Variants in CRB1 observed in about 807,000 individuals in gnomAD.
The protein encoded by CRB1 is protein crumbs homolog 1.
A neutral mutation model predicts 120.0 loss-of-function variants in CRB1; 83 were observed. That is an observed-to-expected ratio of 0.69 (90% CI 0.58 to 0.83). CRB1 has a LOEUF of 0.83. CRB1 is among the 40% of genes least tolerant of loss of function. The pLI is 0.00. For missense variants in CRB1, 1,699 were observed against 1,687.6 expected (o/e 1.01, Z -0.12); for synonymous variants, 625 against 612.5 (o/e 1.02, Z -0.30).
chr1:197,315,397 G>T (rs1466874298), intron 1 of CRB1, among the ~76,000 whole-genome samples: 1 of 152,144 alleles, frequency 6.6e-6, no homozygotes, highest in Non-Finnish European at 1.5e-5. Flanking sequence ...GACGGTAAAT[G>T]CTATGTCAAC....
chr1:197,246,906 T>C, the CRB1 span, among the ~76,000 whole-genome samples: 1 of 152,098 alleles, frequency 6.6e-6, no homozygotes, highest in Non-Finnish European at 1.5e-5. Flanking sequence ...CTGGCTTACA[T>C]CATGGAATTA....
At chr1:197,459,863 A>C (rs1313864067) in intron 11 of CRB1, among the ~76,000 whole-genome samples, 1 of 152,088 alleles carries the variant, frequency 6.6e-6, no homozygotes, top group Non-Finnish European at 1.5e-5. Flanking sequence ...GTTTTTCCTG[A>C]GCAGATTTTT....
chr1:197,449,933 A>T (rs1665880528), intron 11 of CRB1, among the ~76,000 whole-genome samples: 3 of 152,082 alleles, frequency 2.0e-5, no homozygotes, highest in Admixed American at 1.3e-4. Context: ...TGCTGTGGTG[A>T]ACCCTCTTTT....
intron 2 of CRB1, among the ~76,000 whole-genome samples, chr1:197,338,287 T>A (rs542220405): frequency 1.3e-5 from 2 of 152,220 alleles, no homozygotes; most frequent in African/African-American, 4.8e-5. Context: ...TATATTACTA[T>A]CTTGTAAATT....
At chr1:197,333,892 C>T (rs544416499) in intron 2 of CRB1, among the ~76,000 whole-genome samples, 2 of 152,294 alleles carry the variant, frequency 1.3e-5, no homozygotes, top group East Asian at 3.9e-4. Context: ...AGAAACAAGA[C>T]TCACTTAACA....
At chr1:197,280,820 C>G (rs534358800) in intron 1 of CRB1, among the ~76,000 whole-genome samples, 2 of 151,898 alleles carry the variant, frequency 1.3e-5, no homozygotes, top group Admixed American at 1.3e-4. Context: ...TATGAAGACT[C>G]AAACATTTAT....
At chr1:197,394,950 CTAAA>C (rs1199826969) in intron 5 of CRB1, among the ~76,000 whole-genome samples, 2 of 152,038 alleles carry the variant, frequency 1.3e-5, no homozygotes, top group African/African-American at 2.4e-5. Flanking sequence ...CCTAAGGCAA[CTAAA>C]TAAATAAATA....
At chr1:197,469,849 C>T (rs1423449921) in intron 11 of CRB1, among the ~76,000 whole-genome samples, 4 of 151,944 alleles carry the variant, frequency 2.6e-5, no homozygotes, top group African/African-American at 7.3e-5. Context: ...ATTCTAGATA[C>T]GAGGGGCAGG....
At chr1:197,226,936 T>C in the CRB1 span, among the ~76,000 whole-genome samples, 1 of 152,056 alleles carries the variant, frequency 6.6e-6, no homozygotes, top group East Asian at 1.9e-4. Flanking sequence ...TTCACTACCA[T>C]AAGAACAGTA....
At chr1:197,281,695 C>A (rs986028575) in intron 1 of CRB1, among the ~76,000 whole-genome samples, 4 of 151,822 alleles carry the variant, frequency 2.6e-5, no homozygotes, top group Admixed American at 2.6e-4. Flanking sequence ...TTCAGGGGAA[C>A]ATTAACTTAT....
chr1:197,282,242 T>C (rs1293823996), intron 1 of CRB1, among the ~76,000 whole-genome samples: 1 of 151,728 alleles, frequency 6.6e-6, no homozygotes. Context: ...AAAAAGAAGA[T>C]AAAGAGTTGG....
intron 2 of CRB1, among the ~76,000 whole-genome samples, chr1:197,331,168 AG>A: frequency 6.6e-6 from 1 of 152,072 alleles, no homozygotes; most frequent in East Asian, 1.9e-4. Flanking sequence ...AAAAAAAAAA[AG>A]AGGAGCCCTC....
At chr1:197,216,974 T>C in the CRB1 span, among the ~76,000 whole-genome samples, 1 of 151,780 alleles carries the variant, frequency 6.6e-6, no homozygotes, top group Non-Finnish European at 1.5e-5. Flanking sequence ...GGAGAAAATA[T>C]TTGAAACTCA....
At chr1:197,405,789 C>T in intron 5 of CRB1, among the ~76,000 whole-genome samples, 1 of 151,118 alleles carries the variant, frequency 6.6e-6, no homozygotes, top group South Asian at 2.1e-4. Flanking sequence ...AGTGAGGAGC[C>T]CCTCCGCCCG....
At chr1:197,392,589 C>T (rs1662562051) in intron 5 of CRB1, among the ~76,000 whole-genome samples, 1 of 152,006 alleles carries the variant, frequency 6.6e-6, no homozygotes, top group African/African-American at 2.4e-5. Context: ...AGAAAAGACC[C>T]AAGGAACTAA....
the CRB1 span, among the ~76,000 whole-genome samples, chr1:197,247,511 A>G: frequency 6.6e-6 from 1 of 152,030 alleles, no homozygotes; most frequent in African/African-American, 2.4e-5. Context: ...AAAAGATTAT[A>G]AATACAGACA....
rs1405215161 is a variant in CRB1 at position 197,344,454 on chromosome 1, C to T, written c.826C>T (p.Leu276=). ...CAGTCAACCTTGTCTCCATGGAGGG[C>T]TGTGTGTGGATGGAGAAAACAGGTA... ...CASQPCLHGG[L]CVDGENRYSC... Residue 276 remains leucine, a synonymous_variant, in exon 3 of 12, where the codon CTG becomes TTG. Transcript: ENST00000367400. 7 of 1,613,886 alleles carry T rather than the reference C, an allele frequency of 4.3e-6. No homozygotes were observed. Among genetic ancestry groups the T allele is most frequent in the Non-Finnish European group, 5.9e-6 (7 of 1,179,982 alleles).
chr1:197,309,163 T>C (rs12130270), intron 1 of CRB1, among the ~76,000 whole-genome samples: 24,192 of 152,052 alleles, frequency 0.16, 2,180 homozygotes, highest in Middle Eastern at 0.24. Flanking sequence ...TATATATATT[T>C]ATATAAATAA....
the CRB1 span, among the ~76,000 whole-genome samples, chr1:197,216,733 A>G: frequency 6.6e-6 from 1 of 152,188 alleles, no homozygotes. Flanking sequence ...CAATGAGGTC[A>G]AAACTGAAGA....
Sources: allele counts gnomAD v4.1 joint callset (sites outside exome capture counted in the v4.1 genomes callset), GRCh38; gene constraint gnomAD v4.1.1; transcripts MANE v1.5; gene names NCBI Gene and HGNC (gene_info 2026-07-23, HGNC 2026-07-21).